Variants in PVT1 observed in about 807,000 individuals in gnomAD.
PVT1 encodes CXCR4/PVT1 fusion.
At chr8:127,999,704 C>T (rs1247770832) in intron 4 of PVT1, among the ~76,000 whole-genome samples, 1 of 152,232 alleles carries the variant, frequency 6.6e-6, no homozygotes, top group African/African-American at 2.4e-5. Context: ...TCAGGTGATC[C>T]ACCCACTTCA....
chr8:127,870,168 A>C (rs1315571285), intron 2 of PVT1, among the ~76,000 whole-genome samples: 2 of 152,202 alleles, frequency 1.3e-5, no homozygotes, highest in East Asian at 3.8e-4. Context: ...GTGGGGGCTA[A>C]AGCCAATGAC....
At chr8:127,947,345 T>C (rs1044219987) in intron 3 of PVT1, 20 of 243,816 alleles carry the variant, frequency 8.2e-5, no homozygotes, top group African/African-American at 4.4e-4. Context: ...GGCAAAGAGA[T>C]AATTACTGTT....
intron 2 of PVT1, among the ~76,000 whole-genome samples, chr8:127,849,946 A>T (rs13279086): frequency 3.3e-4 from 7 of 21,178 alleles, no homozygotes; most frequent in Admixed American, 2.1e-3. Context: ...CAGCCTGTAC[A>T]TATGTGTGTG....
At chr8:127,909,333 A>G (rs1486576085) in intron 3 of PVT1, among the ~76,000 whole-genome samples, 2 of 152,204 alleles carry the variant, frequency 1.3e-5, no homozygotes, top group East Asian at 1.9e-4. Context: ...TCTCTCCCCA[A>G]ATCAGGTGAA....
intron 3 of PVT1, among the ~76,000 whole-genome samples, chr8:127,949,660 G>T (rs1428404422): frequency 6.6e-6 from 1 of 152,068 alleles, no homozygotes; most frequent in Admixed American, 6.5e-5. Flanking sequence ...AAACCAATGG[G>T]GGTGGCATTT....
At chr8:127,878,233 T>G (rs1159065407) in intron 2 of PVT1, among the ~76,000 whole-genome samples, 3 of 151,846 alleles carry the variant, frequency 2.0e-5, no homozygotes, top group Non-Finnish European at 2.9e-5. Context: ...AGAAGAACAG[T>G]GTTCATGACT....
intron 3 of PVT1, among the ~76,000 whole-genome samples, chr8:127,970,291 T>G (rs886424741): frequency 6.6e-5 from 7 of 106,070 alleles, no homozygotes; most frequent in African/African-American, 2.3e-4. Context: ...CATGATTTGT[T>G]TTTTTTTTTT....
At chr8:127,959,635 G>A (rs76657236) in intron 3 of PVT1, among the ~76,000 whole-genome samples, 4,115 of 149,944 alleles carry the variant, frequency 0.027, 188 homozygotes, top group African/African-American at 0.097. Context: ...CCTTAAAGGA[G>A]CTCTTCTTAT....
At chr8:127,918,013 C>T (rs1015527084) in intron 3 of PVT1, among the ~76,000 whole-genome samples, 14 of 152,238 alleles carry the variant, frequency 9.2e-5, no homozygotes, top group African/African-American at 4.8e-5. Context: ...TGAAAGACTG[C>T]GTGTAAGAGT....
chr8:127,875,364 T>A (rs760536461), intron 2 of PVT1, among the ~76,000 whole-genome samples: 1 of 59,762 alleles, frequency 1.7e-5, no homozygotes, highest in Non-Finnish European at 2.9e-5. Context: ...TCTGTCTCTG[T>A]CTCTCTCTCT....
chr8:128,093,081 T>C (rs1190954550), intron 5 of PVT1, among the ~76,000 whole-genome samples: 1 of 152,228 alleles, frequency 6.6e-6, no homozygotes, highest in Admixed American at 6.5e-5. Flanking sequence ...TTTTTTGATC[T>C]TTTCATATTT....
chr8:127,883,208 G>A (rs1273367691), intron 2 of PVT1, among the ~76,000 whole-genome samples: 1 of 152,048 alleles, frequency 6.6e-6, no homozygotes, highest in Admixed American at 6.5e-5. Flanking sequence ...CAAAGCTTTA[G>A]GACCAGGGAC....
intron 3 of PVT1, among the ~76,000 whole-genome samples, chr8:127,937,530 G>T (rs1045871635): frequency 7.0e-6 from 1 of 143,744 alleles, no homozygotes; most frequent in African/African-American, 2.7e-5. Flanking sequence ...GAAAGAAAAT[G>T]CCCACCCTAG....
intron 2 of PVT1, among the ~76,000 whole-genome samples, chr8:127,798,704 CAAAA>C (rs71300266): frequency 9.1e-6 from 1 of 110,484 alleles, no homozygotes; most frequent in Non-Finnish European, 1.7e-5. Flanking sequence ...ACTAAAAATA[CAAAA>C]AAAAAAAAAA....
intron 4 of PVT1, among the ~76,000 whole-genome samples, chr8:128,020,324 T>A (rs533857408): frequency 2.0e-4 from 30 of 152,232 alleles, no homozygotes; most frequent in Non-Finnish European, 3.7e-4. Flanking sequence ...AGGGAGAGTA[T>A]CCTTGGTTAT....
chr8:128,024,961 A>C (rs1270797768), intron 4 of PVT1, among the ~76,000 whole-genome samples: 4 of 152,218 alleles, frequency 2.6e-5, no homozygotes, highest in African/African-American at 9.6e-5. Context: ...GGCCTCTCAA[A>C]GTGTTGGGAT....
intron 2 of PVT1, among the ~76,000 whole-genome samples, chr8:127,821,606 C>T (rs1029343530): frequency 2.0e-5 from 3 of 151,788 alleles, no homozygotes; most frequent in East Asian, 1.9e-4. Flanking sequence ...GTCAGAAGAT[C>T]GAGACCATCC....
At chr8:128,060,600 G>A (rs560101401) in intron 4 of PVT1, among the ~76,000 whole-genome samples, 1 of 152,328 alleles carries the variant, frequency 6.6e-6, no homozygotes, top group Non-Finnish European at 1.5e-5. Context: ...GAGGGAAGGA[G>A]ACCTTCTTTC....
At chr8:127,849,962 T>C (rs1379446805) in intron 2 of PVT1, among the ~76,000 whole-genome samples, 165 of 133,624 alleles carry the variant, frequency 1.2e-3, no homozygotes, top group Middle Eastern at 0.01. Flanking sequence ...GTGTGTGTGC[T>C]CCTGCGTGCA....
Sources: allele counts gnomAD v4.1 joint callset (sites outside exome capture counted in the v4.1 genomes callset), GRCh38; gene constraint gnomAD v4.1.1; transcripts MANE v1.5; gene names NCBI Gene and HGNC (gene_info 2026-07-23, HGNC 2026-07-21).